The following RAB3GAP2 variants were observed in gnomAD, a reference collection of about 807,000 sequenced individuals.
The protein encoded by RAB3GAP2 is RAB3 GTPase activating non-catalytic protein subunit 2.
Under a neutral mutation model 185.3 loss-of-function variants are expected in RAB3GAP2, and 87 were observed. That is an observed-to-expected ratio of 0.47 (90% CI 0.39 to 0.56). RAB3GAP2 has a LOEUF of 0.56. Ranked by LOEUF, RAB3GAP2 falls within the 20% of genes least tolerant of loss-of-function variation. The pLI is 0.00. For synonymous variants in RAB3GAP2, 554 were observed against 576.1 expected, an observed-to-expected ratio of 0.96 and a Z score of 0.55; for missense variants, 1,492 against 1,638.2, an observed-to-expected ratio of 0.91 and a Z score of 1.54.
At chr1:220,216,985 G>A (rs1302916589) in intron 2 of RAB3GAP2, among the ~76,000 whole-genome samples, 1 of 151,690 alleles carries the variant, frequency 6.6e-6, no homozygotes, top group Non-Finnish European at 1.5e-5. Context: ...TATGTGCACA[G>A]AAAAGACAAA....
chr1:220,259,258 A>G (rs1408389145), intron 1 of RAB3GAP2, among the ~76,000 whole-genome samples: 1 of 152,248 alleles, frequency 6.6e-6, no homozygotes, highest in Non-Finnish European at 1.5e-5. Flanking sequence ...GAACCAAATA[A>G]GAGCCCAAAT....
chr1:220,200,598 T>C (rs766903350), intron 9 of RAB3GAP2: 19 of 529,348 alleles, frequency 3.6e-5, no homozygotes, highest in South Asian at 1.7e-4. Flanking sequence ...CCAATCATTT[T>C]CCCTAGCCAG....
Position 220,157,826 on chromosome 1 carries a change from CA to C in RAB3GAP2, c.3311del (p.Leu1104TrpfsTer7). On this transcript the variant is annotated frameshift_variant, in exon 30 of 35. Coordinates refer to ENST00000358951, the MANE Select transcript of RAB3GAP2 (RefSeq NM_012414.4). LOFTEE classifies it high-confidence loss of function. ...TAMTSFLGSC[L>X]DLLQILMEAD... ...CCTCCATTAAGATCTGAAGAAGATC[CA>C]AACAGGAGCCGAGGAAAGATGTCAT... The C allele has an allele frequency of 2.5e-6, 4 of 1,613,328 alleles. No homozygotes were observed. Among genetic ancestry groups the C allele is most frequent in the Non-Finnish European group, 3.4e-6 (4 of 1,179,402 alleles).
chr1:220,267,810 G>T, intron 1 of RAB3GAP2: 1 of 1,388,560 alleles, frequency 7.2e-7, no homozygotes, highest in East Asian at 2.3e-5. Flanking sequence ...TGCAGGTAAT[G>T]GATTCTGACA....
intron 7 of RAB3GAP2, chr1:220,207,923 C>T (rs1659000183): frequency 6.6e-6 from 1 of 152,144 alleles, no homozygotes; most frequent in Non-Finnish European, 1.5e-5. Context: ...ACTCATTGCT[C>T]CTAGAGCTGA....
chr1:220,267,922 C>G, intron 1 of RAB3GAP2: 1 of 705,870 alleles, frequency 1.4e-6, no homozygotes, highest in Non-Finnish European at 2.6e-6. Context: ...TCCGTGATGC[C>G]TATGACCCAA....
rs1405615757 is a variant in RAB3GAP2 at position 220,149,031 on chromosome 1, A to G, written c.*2220T>C. 3 of 152,166 alleles carry G rather than the reference A, an allele frequency of 2.0e-5. No homozygotes were observed. Among genetic ancestry groups the G allele is most frequent in the Non-Finnish European group, 4.4e-5 (3 of 68,010 alleles). 9.4% of individuals were successfully genotyped at this position (152,166 alleles called of 1,614,324 possible). A position where few individuals can be genotyped will look rare whatever the true frequency, so the allele number is the denominator to read the frequency against. ...CATCAATAACTACAAAGTACCACAT[A>G]CCTTTGTTTCAGAAACCACCCATTC... is the stretch of plus-strand genomic sequence containing the variant. On this transcript the variant is annotated 3_prime_UTR_variant, in exon 35 of 35. Coordinates refer to ENST00000358951, the MANE Select transcript of RAB3GAP2 (RefSeq NM_012414.4).
At chr1:220,157,904 G>T in intron 29 of RAB3GAP2, 28 bp from the exon 30 acceptor site, 1 of 1,566,232 alleles carries the variant, frequency 6.4e-7, no homozygotes, top group Non-Finnish European at 8.8e-7. Context: ...ACGTAATTAG[G>T]CCCTGCAGGA....
At chr1:220,156,894 G>T (rs1657868403) in intron 31 of RAB3GAP2, among the ~76,000 whole-genome samples, 1 of 152,064 alleles carries the variant, frequency 6.6e-6, no homozygotes, top group African/African-American at 2.4e-5. Flanking sequence ...TGTGGGTATT[G>T]GTTTGCAGAT....
intron 27 of RAB3GAP2, among the ~76,000 whole-genome samples, chr1:220,163,193 A>G (rs1657995161): frequency 6.6e-6 from 1 of 152,104 alleles, no homozygotes; most frequent in Non-Finnish European, 1.5e-5. Context: ...CAATTAGGCA[A>G]TGTAAACATG....
intron 6 of RAB3GAP2, 88 bp downstream of exon 6, chr1:220,210,713 G>T: frequency 7.4e-7 from 1 of 1,343,008 alleles, no homozygotes; most frequent in African/African-American, 1.5e-5. Flanking sequence ...CAGGCAGCAG[G>T]TAATAAAGTC....
Position 220,235,328 on chromosome 1 carries a change from T to A in RAB3GAP2, c.116-2465A>T, listed in dbSNP as rs201887416. ...TTTTCCATTGCACCAGAAACAATTG[T>A]CTTATTGTGAGTTTAAGGCAGGCAA... On this transcript the variant is annotated intron_variant, in intron 1 of 34. Coordinates refer to ENST00000358951, the MANE Select transcript of RAB3GAP2 (RefSeq NM_012414.4). Among the ~76,000 whole-genome samples, 13 of 152,314 alleles carry A rather than the reference T, an allele frequency of 8.5e-5. No homozygotes were observed. The East Asian group carries it at 2.5e-3, about 29-fold the overall frequency.
At chr1:220,213,723 A>C in intron 3 of RAB3GAP2, 133 bp downstream of exon 3, 1 of 683,268 alleles carries the variant, frequency 1.5e-6, no homozygotes, top group Non-Finnish European at 2.2e-6. Context: ...GAGGGGGCGG[A>C]GGAGGAGTTG....
chr1:220,211,301 T>C (rs868739016), intron 4 of RAB3GAP2: 6 of 544,872 alleles, frequency 1.1e-5, no homozygotes, highest in African/African-American at 7.5e-5. Flanking sequence ...ACTGACTGTA[T>C]ACACAACTGA....
rs1350530681 is a variant in RAB3GAP2 at position 220,213,885 on chromosome 1, G to A, written c.275C>T (p.Ala92Val). 2 of 1,613,346 alleles carry A rather than the reference G, an allele frequency of 1.2e-6. No homozygotes were observed. Among genetic ancestry groups the A allele is most frequent in the Non-Finnish European group, 1.7e-6 (2 of 1,179,450 alleles). The change falls in exon 3 of 35, where the codon GCT (alanine) becomes GTT (valine). Residue 92 changes from alanine (A) to valine (V), a missense_variant. Ala to Val is a moderately conservative substitution (Grantham distance 64, BLOSUM62 0). Transcript: ENST00000358951. ...TAGAAATACAGCTTTTTGCTCTCGA[G>A]CTATCACCATAAGATCATTGGTTGG... ...LSPTNDLMVI[A>V]REQKAVFLVP... is the part of the protein sequence containing the mutation.
chr1:220,176,408 T>TC (rs1251429062), intron 21 of RAB3GAP2, among the ~76,000 whole-genome samples: 1 of 152,120 alleles, frequency 6.6e-6, no homozygotes, highest in Non-Finnish European at 1.5e-5. Context: ...GGTTGATCTG[T>TC]CCCCCTGAAC....
chr1:220,254,588 T>C (rs1247108170), intron 1 of RAB3GAP2: 45 of 1,448,870 alleles, frequency 3.1e-5, no homozygotes, highest in Non-Finnish European at 4.0e-5. Context: ...AACACATTTT[T>C]GTTCTTAGTC....
At chr1:220,228,576 C>A (rs1659444612) in intron 2 of RAB3GAP2, among the ~76,000 whole-genome samples, 1 of 152,096 alleles carries the variant, frequency 6.6e-6, no homozygotes, top group Non-Finnish European at 1.5e-5. Context: ...AGGAAAGGAT[C>A]CAAATTCAAA....
In RAB3GAP2 at chr1:220,167,459, CTTTCCAATTTGGATTTCATATTTCTCA is replaced by C. The variant is rs1279975404; in HGVS notation, c.2980+16_2980+42del. ...TTCCTTAATGAACACTTGGCCACAT[CTTTCCAATTTGGATTTCATATTTCTCA>C]TTATTTGTGTATCACCTGGTATGGC... On this transcript the variant is annotated intron_variant, in intron 25 of 34. Coordinates refer to ENST00000358951, the MANE Select transcript of RAB3GAP2 (RefSeq NM_012414.4). 1 of 1,613,448 alleles carries C rather than the reference CTTTCCAATTTGGATTTCATATTTCTCA, an allele frequency of 6.2e-7. No homozygotes were observed. The highest frequency in any genetic ancestry group is 1.7e-5 in the Admixed American group (1 of 60,034).
Sources: gnomAD v4.1 joint callset for allele counts (sites outside exome capture counted in the v4.1 genomes callset) on GRCh38, gnomAD v4.1.1 for gene constraint, MANE v1.5 for transcripts, NCBI Gene and HGNC (gene_info 2026-07-23, HGNC 2026-07-21) for gene names.